LAMB2: variants seen among roughly 807,000 people sequenced by gnomAD.
The protein encoded by LAMB2 is laminin subunit beta 2, also known as laminin subunit beta-2.
A neutral mutation model predicts 202.7 loss-of-function variants in LAMB2; 119 were observed. The observed-to-expected ratio is 0.59, with a 90% CI of 0.51 to 0.68. The LOEUF (loss-of-function observed/expected upper bound fraction) is 0.68, where lower values mean the gene tolerates loss of function less well. LAMB2 is among the 30% of genes least tolerant of loss of function. LAMB2 has a pLI of 0.00. For missense variants in LAMB2, 2,124 were observed against 2,410.6 expected, an observed-to-expected ratio of 0.88 and a Z score of 2.49; for synonymous variants, 818 against 902.2, an observed-to-expected ratio of 0.91 and a Z score of 1.67.
Position 49,131,400 on chromosome 3 carries a change from G to A in LAMB2, c.691C>T (p.Pro231Ser), listed in dbSNP as rs142153730. The part of the protein sequence containing the change: ...VLDPAIPIPD[P>S]YSSRIQNLLK... The stretch of plus-strand genomic sequence containing the variant: ...TCACTCTGAATCCGTGAGCTGTAGG[G>A]GTCTGGGATAGGGATGGCAGGGTCC... The change falls in exon 6 of 32, where the codon CCC (proline) becomes TCC (serine). Residue 231 changes from proline to serine, a missense_variant. Around this residue, in one of 3 missense-constraint regions of LAMB2, gnomAD observed 256 missense variants for 356.1 expected, o/e 0.72. Coordinates refer to ENST00000305544, the MANE Select transcript of LAMB2 (RefSeq NM_002292.4). This position sits in a 1 kb window ranked among gnomAD's most constrained non-coding sequence, Gnocchi z 5.0. 3.7e-6 allele frequency: 6 copies of A among 1,614,038 alleles called. No individual in the cohort carries two copies. In the African/African-American group the frequency reaches 6.7e-5, roughly 18 times the overall value.
In LAMB2 at chr3:49,121,354, C is replaced by G; in HGVS notation, c.5269G>C (p.Gly1757Arg). The G allele has an allele frequency of 6.2e-7, 1 of 1,614,198 alleles. No homozygotes were observed. Among genetic ancestry groups the G allele is most frequent in the Non-Finnish European group, 8.5e-7 (1 of 1,180,050 alleles). The change falls in exon 32 of 32, where the codon GGC becomes CGC. Residue 1757 changes from glycine to arginine, a missense_variant. By Grantham distance (125) the Gly-to-Arg change is moderately radical. Coordinates refer to ENST00000305544, the MANE Select transcript of LAMB2 (RefSeq NM_002292.4). The stretch of plus-strand genomic sequence containing the variant: ...GCCCGCTCATTTTCCTCATAGGTGC[C>G]TTCCAATTCTAGGAAGGGCAGGTGT... ...DKLQRLQELE[G>R]TYEENERALE...
Position 49,124,917 on chromosome 3 carries a change from A to T in LAMB2, c.2893T>A (p.Cys965Ser), listed in dbSNP as rs2045394426. ...AAGTGCCCAGGGGCACAAGCTTCAC[A>T]TCGCAGCCCTGCCCACGGTTAAGAG... ...HCRAGYTGLR[C>S]EACAPGHFGD... Residue 965 changes from cysteine (C) to serine (S), a missense_variant, in exon 21 of 32, where the codon TGT (cysteine) becomes AGT (serine). Coordinates refer to ENST00000305544, the MANE Select transcript of LAMB2 (RefSeq NM_002292.4). 6.2e-7 allele frequency: 1 copy of T among 1,614,040 alleles called. No individual in the cohort carries two copies.
rs146232955 is a variant in LAMB2 at position 49,124,849 on chromosome 3, C to G, written c.2961G>C (p.Glu987Asp). ...CCATTGGGTCAATGTTCCCACTGCA[C>G]TCACACAGTTGGCACCGGCCACCTG... ...SRPGGRCQLC[E>D]CSGNIDPMDP... is the part of the protein sequence containing the mutation. Residue 987 changes from glutamate (E) to aspartate (D), a missense_variant, in exon 21 of 32, where the codon GAG (glutamate) becomes GAC (aspartate). Glu to Asp is a conservative substitution (Grantham distance 45). Around this residue, in one of 3 missense-constraint regions of LAMB2, gnomAD observed 1,702 missense variants for 1,896.3 expected, o/e 0.90. Transcript: ENST00000305544. The G allele has an allele frequency of 8.7e-6, 14 of 1,614,026 alleles. No individual in the cohort carries two copies. The highest frequency in any genetic ancestry group is 1.0e-5 in the Non-Finnish European group (12 of 1,180,034).
chr3:49,124,896 GC>G lies in LAMB2; in HGVS notation c.2913del (p.His972ThrfsTer179). ...CCTGGCCTTGATGGGTCCCCAAAGT[GC>G]CCAGGGGCACAAGCTTCACATCGCA... is the stretch of plus-strand genomic sequence containing the variant. ...TGLRCEACAP[G>X]HFGDPSRPGG... On this transcript the variant is annotated frameshift_variant, in exon 21 of 32. Coordinates refer to ENST00000305544, the MANE Select transcript of LAMB2 (RefSeq NM_002292.4). LOFTEE classifies it high-confidence loss of function. 6.2e-7 allele frequency: 1 copy of G among 1,614,080 alleles called. No homozygotes were observed. Among genetic ancestry groups the G allele is most frequent in the Admixed American group, 1.7e-5 (1 of 60,028 alleles).
chr3:49,128,659 A>G lies in LAMB2; in HGVS notation c.1890+2T>C. 6.2e-7 allele frequency: 1 copy of G among 1,614,162 alleles called. No homozygotes were observed. The highest frequency in any genetic ancestry group is 1.1e-5 in the South Asian group (1 of 91,078). On this transcript the variant is annotated splice_donor_variant, in intron 14 of 31. Transcript: ENST00000305544. LOFTEE classifies it high-confidence loss of function. ...GCCCCAGATTAGATAACAGGGTCTAACCTGGGGCTCTAAGCGCAGCAGCAG... is the reference window on the plus strand; with the variant it reads ...GCCCCAGATTAGATAACAGGGTCTAGCCTGGGGCTCTAAGCGCAGCAGCAG...
intron 26 of LAMB2, 32 bp from the exon 27 acceptor site, chr3:49,123,084 G>T: frequency 6.2e-7 from 1 of 1,606,750 alleles, no homozygotes. Flanking sequence ...AGGGCCCTGT[G>T]AGAGGAACAT....
rs2045485977 is a variant in LAMB2 at position 49,131,884 on chromosome 3, A to ATGGGG, written c.460-166_460-162dup. Reference sequence around the variant, plus strand: ...TGACCAGCAAAGGTAGCCACCTCTAATGGGGAGACTCAGGGTTCATGGGGC... The same window carrying ATGGGG: ...TGACCAGCAAAGGTAGCCACCTCTAATGGGGTGGGGAGACTCAGGGTTCATGGGGC... On this transcript the variant is annotated intron_variant, in intron 4 of 31. Coordinates refer to ENST00000305544, the MANE Select transcript of LAMB2 (RefSeq NM_002292.4). The surrounding 1 kb of genome is among the most constrained non-coding windows in gnomAD (Gnocchi z 5.0). Among the ~76,000 whole-genome samples the ATGGGG allele has an allele frequency of 6.6e-6, 1 of 152,110 alleles. No homozygotes were observed. Among genetic ancestry groups the ATGGGG allele is most frequent in the African/African-American group, 2.4e-5 (1 of 41,414 alleles).
Position 49,132,283 on chromosome 3 carries a change from C to T in LAMB2, c.372G>A (p.Trp124Ter), listed in dbSNP as rs2045489550. The part of the protein sequence containing the change: ...SFAPQRRAAW[W>*]QSENGIPAVT... ...CCATGGCCTCACCATTCTCTGACTGCCACCAGGCTGCCCGCCGCTGTGGTG... is the reference window on the plus strand; with the variant it reads ...CCATGGCCTCACCATTCTCTGACTGTCACCAGGCTGCCCGCCGCTGTGGTG... The change falls in exon 3 of 32, where the codon TGG (tryptophan) becomes TGA (stop). Residue 124 changes from tryptophan (W) to a stop codon, truncating the protein, a stop_gained. Coordinates refer to ENST00000305544, the MANE Select transcript of LAMB2 (RefSeq NM_002292.4). LOFTEE classifies it high-confidence loss of function. The surrounding 1 kb of genome is among the most constrained non-coding windows in gnomAD (Gnocchi z 4.6). The T allele has an allele frequency of 6.2e-7, 1 of 1,614,232 alleles. No homozygotes were observed. The highest frequency in any genetic ancestry group is 8.5e-7 in the Non-Finnish European group (1 of 1,180,050).
chr3:49,123,297 T>C lies in LAMB2; in HGVS notation c.4059A>G (p.Ala1353=), dbSNP rs749538043. Residue 1353 remains alanine (A), a synonymous_variant, in exon 26 of 32, where the codon GCA becomes GCG. Coordinates refer to ENST00000305544, the MANE Select transcript of LAMB2 (RefSeq NM_002292.4). ...AERRANTSAL[A]VPSPVSNSAS... ...CCGAGTTGCTCACAGGGCTAGGTACTGCCAGGGCTGAGGTATTGGCACGAC... is the reference window on the plus strand; with the variant it reads ...CCGAGTTGCTCACAGGGCTAGGTACCGCCAGGGCTGAGGTATTGGCACGAC... The C allele has an allele frequency of 1.9e-6, 3 of 1,614,128 alleles. No homozygotes were observed. The highest frequency in any genetic ancestry group is 2.5e-6 in the Non-Finnish European group (3 of 1,180,028).
At position 49,123,144 on chromosome 3, in the gene LAMB2, G is replaced by T. The variant is rs751507627; in HGVS notation, c.4212C>A (p.Asp1404Glu). Reference sequence around the variant, plus strand: ...ACTTCAACCTCACCAGCTCATTTATGTCTGTCAGGCTCAGGGTGTGGGTAT... The same window carrying T: ...ACTTCAACCTCACCAGCTCATTTATTTCTGTCAGGCTCAGGGTGTGGGTAT... The part of the protein sequence containing the change: ...SAHTHTLSLT[D>E]INELVCGAPG... Residue 1404 changes from aspartate to glutamate, a missense_variant, in exon 26 of 32, where the codon GAC becomes GAA. Physicochemically the swap from Asp to Glu is conservative, Grantham distance 45 (BLOSUM62 2). Coordinates refer to ENST00000305544, the MANE Select transcript of LAMB2 (RefSeq NM_002292.4). 2 of 1,612,702 alleles carry T rather than the reference G, an allele frequency of 1.2e-6. No individual in the cohort carries two copies. Among genetic ancestry groups the T allele is most frequent in the Admixed American group, 3.3e-5 (2 of 60,018 alleles).
intron 18 of LAMB2, 119 bp downstream of exon 18, chr3:49,125,628 T>C: frequency 6.9e-7 from 1 of 1,454,056 alleles, no homozygotes; most frequent in Non-Finnish European, 9.4e-7. Context: ...TGACCCAGGT[T>C]GAGAGTAGAG....
In LAMB2 at chr3:49,128,363, G is replaced by A. The variant is rs149740551; in HGVS notation, c.2018+95C>T. The A allele has an allele frequency of 7.6e-3, 11,156 of 1,461,458 alleles. 66 individuals are homozygous for A. Among genetic ancestry groups the A allele is most frequent in the Non-Finnish European group, 8.6e-3 (9,293 of 1,078,460 alleles). 90.5% of individuals were successfully genotyped at this position (1,461,458 alleles called of 1,614,324 possible). On this transcript the variant is annotated intron_variant, in intron 15 of 31. Coordinates refer to ENST00000305544, the MANE Select transcript of LAMB2 (RefSeq NM_002292.4). ...GAGGTATTTGAAAGAAGGAACAGATGAATGAGCTGTGGGGTCTTCCAGGTG... is the reference window on the plus strand; with the variant it reads ...GAGGTATTTGAAAGAAGGAACAGATAAATGAGCTGTGGGGTCTTCCAGGTG...
Position 49,125,800 on chromosome 3 carries a change from C to T in LAMB2, c.2435G>A (p.Arg812His), listed in dbSNP as rs886058674. 8 of 1,614,002 alleles carry T rather than the reference C, an allele frequency of 5.0e-6. No individual in the cohort carries two copies. The highest frequency in any genetic ancestry group is 1.1e-5 in the South Asian group (1 of 91,078). The change falls in exon 18 of 32, where the codon CGC (arginine) becomes CAC (histidine). Residue 812 changes from arginine (R) to histidine (H), a missense_variant. Coordinates refer to ENST00000305544, the MANE Select transcript of LAMB2 (RefSeq NM_002292.4). ...CLCKPGVVGR[R>H]CDLCAPGYYG... ...GTAGCCAGGGGCACAGAGGTCACAGCGGCGCCCAACCACTCCAGGCTTGCA... is the reference window on the plus strand; with the variant it reads ...GTAGCCAGGGGCACAGAGGTCACAGTGGCGCCCAACCACTCCAGGCTTGCA...
In LAMB2 at chr3:49,125,870, C is replaced by T; in HGVS notation, c.2365G>A (p.Gly789Ser). The change falls in exon 18 of 32, where the codon GGT (glycine) becomes AGT (serine). Residue 789 changes from glycine (G) to serine (S), a missense_variant. Transcript: ENST00000305544. ...GALPCQCNPQ[G>S]SLSSECNPHG... ...GGGTTGCACTCAGAACTCAGTGAAC[C>T]TTGAGGGTTGCACTGACATGCTGTG... The T allele has an allele frequency of 6.2e-7, 1 of 1,614,104 alleles. No homozygotes were observed. Among genetic ancestry groups the T allele is most frequent in the Non-Finnish European group, 8.5e-7 (1 of 1,179,998 alleles).
rs896556165 is a variant in LAMB2 at position 49,130,063 on chromosome 3, A to G, written c.1226-45T>C. On this transcript the variant is annotated intron_variant, in intron 9 of 31. Coordinates refer to ENST00000305544, the MANE Select transcript of LAMB2 (RefSeq NM_002292.4). This position sits in a 1 kb window ranked among gnomAD's most constrained non-coding sequence, Gnocchi z 5.0. ...CAGGGTCACTCACCCTATCTCAACT[A>G]GCTCACTGCCAGTCCTCTCCTAAGC... 1 of 1,600,740 alleles carries G rather than the reference A, an allele frequency of 6.2e-7. No individual in the cohort carries two copies. The highest frequency in any genetic ancestry group is 1.3e-5 in the African/African-American group (1 of 74,710).
chr3:49,130,251 C>T lies in LAMB2; in HGVS notation c.1205G>A (p.Arg402Gln), dbSNP rs150202979. The T allele has an allele frequency of 1.1e-5, 18 of 1,614,222 alleles. No individual in the cohort carries two copies. Among genetic ancestry groups the T allele is most frequent in the Middle Eastern group, 1.6e-4 (1 of 6,062 alleles). ...FFYRDPTKDL[R>Q]DPAVCRSCDC... Reference sequence around the variant, plus strand: ...CTCACAGCGGCACACAGCCGGATCCCGCAGGTCCTTGGTTGGGTCACGGTA... The same window carrying T: ...CTCACAGCGGCACACAGCCGGATCCTGCAGGTCCTTGGTTGGGTCACGGTA... The change falls in exon 9 of 32, where the codon CGG becomes CAG. Residue 402 changes from arginine (R) to glutamine (Q), a missense_variant. By Grantham distance (43) the Arg-to-Gln change is conservative. Transcript: ENST00000305544. This position sits in a 1 kb window ranked among gnomAD's most constrained non-coding sequence, Gnocchi z 5.0.
chr3:49,131,325 A>T lies in LAMB2; in HGVS notation c.712+54T>A. ...ACCCAAAATAGTTACTGAGGCCCCAAATAGTCCCTAGCCGGACACGGACTG... is the reference window on the plus strand; with the variant it reads ...ACCCAAAATAGTTACTGAGGCCCCATATAGTCCCTAGCCGGACACGGACTG... On this transcript the variant is annotated intron_variant, in intron 6 of 31. Transcript: ENST00000305544. The surrounding 1 kb of genome is among the most constrained non-coding windows in gnomAD (Gnocchi z 5.0). 1 of 1,591,194 alleles carries T rather than the reference A, an allele frequency of 6.3e-7. No individual in the cohort carries two copies. The highest frequency in any genetic ancestry group is 8.6e-7 in the Non-Finnish European group (1 of 1,160,506).
rs1575532107 is a variant in LAMB2 at position 49,123,936 on chromosome 3, A to G, written c.3589T>C (p.Trp1197Arg). The G allele has an allele frequency of 2.5e-6, 4 of 1,613,406 alleles. No homozygotes were observed. In the East Asian group the frequency reaches 8.9e-5, roughly 36 times the overall value. The change falls in exon 24 of 32, where the codon TGG becomes CGG. Residue 1197 changes from tryptophan (W) to arginine (R), a missense_variant. By Grantham distance (101) the Trp-to-Arg change is moderately radical. Around this residue, in one of 3 missense-constraint regions of LAMB2, gnomAD observed 1,702 missense variants for 1,896.3 expected, o/e 0.90. Transcript: ENST00000305544. ...GCCAAGTCCTGCACCACTCGGTCCC[A>G]ATCCCCGAAGCATGCATGGCAGGGA... ...CHPCHACFGDWDRVVQDLAAR... is the reference protein window; with the variant it reads ...CHPCHACFGDRDRVVQDLAAR...
At position 49,125,377 on chromosome 3, in the gene LAMB2, G is replaced by T; in HGVS notation, c.2596C>A (p.Arg866Ser). The T allele has an allele frequency of 6.2e-7, 1 of 1,614,066 alleles. No homozygotes were observed. Among genetic ancestry groups the T allele is most frequent in the Non-Finnish European group, 8.5e-7 (1 of 1,180,050 alleles). ...AFGLRCDRCQ[R>S]GQWGFPSCRP... is the part of the protein sequence containing the mutation. ...CAGCTAGGGAATCCCCACTGGCCAC[G>T]CTGGCAGCGGTCACAGCGAAGCCCA... The change falls in exon 19 of 32, where the codon CGT (arginine) becomes AGT (serine). Residue 866 changes from arginine (R) to serine (S), a missense_variant. Physicochemically the swap from Arg to Ser is moderately radical, Grantham distance 110. Transcript: ENST00000305544.
Sources: gnomAD v4.1 joint callset for allele counts (sites outside exome capture counted in the v4.1 genomes callset) on GRCh38, gnomAD v4.1.1 for gene constraint, gnomAD v4.1.1 regional missense constraint, Gnocchi (gnomAD v3.1) non-coding constraint, MANE v1.5 for transcripts, NCBI Gene and HGNC (gene_info 2026-07-23, HGNC 2026-07-21) for gene names.